The following RNF17 variants were observed in gnomAD, a reference collection of about 807,000 sequenced individuals.
The protein encoded by RNF17 is ring finger protein 17, also known as spermatogenesis associated 23.
RNF17 carries 31 observed loss-of-function variants against 200.5 expected under a neutral mutation model. That is an observed-to-expected ratio of 0.15 (90% confidence interval 0.12 to 0.21). The LOEUF is 0.21. RNF17 is among the 10% of genes least tolerant of loss of function. RNF17 has a pLI of 1.00. For missense variants in RNF17, 1,628 were observed against 1,905.1 expected, an observed-to-expected ratio of 0.85 and a Z score of 2.71; for synonymous variants, 606 against 637.8, an observed-to-expected ratio of 0.95 and a Z score of 0.75.
At chr13:24,753,435 C>T in the RNF17 span, among the ~76,000 whole-genome samples, 1 of 152,156 alleles carries the variant, frequency 6.6e-6, no homozygotes, top group African/African-American at 2.4e-5. Flanking sequence ...GCTCAAAGGG[C>T]AGGAGAGCCA....
At chr13:24,819,149 T>C (rs761098226) in intron 15 of RNF17, among the ~76,000 whole-genome samples, 4 of 152,180 alleles carry the variant, frequency 2.6e-5, no homozygotes, top group Non-Finnish European at 4.4e-5. Flanking sequence ...ATTTTCATCT[T>C]GCAAACTGAA....
the RNF17 span, among the ~76,000 whole-genome samples, chr13:24,749,652 C>G: frequency 6.6e-6 from 1 of 152,156 alleles, no homozygotes; most frequent in Non-Finnish European, 1.5e-5. Context: ...TCAGAGAAAA[C>G]TTCCATTATT....
At chr13:24,834,160 T>G (rs1889711735) in intron 18 of RNF17, among the ~76,000 whole-genome samples, 1 of 151,924 alleles carries the variant, frequency 6.6e-6, no homozygotes, top group South Asian at 2.1e-4. Context: ...AATCCCAGTA[T>G]TTTGGGAGGT....
chr13:24,761,771 T>C (rs1466248689), upstream of RNF17, among the ~76,000 whole-genome samples: 1 of 152,244 alleles, frequency 6.6e-6, no homozygotes, highest in Non-Finnish European at 1.5e-5. Context: ...TGGTAAGTGC[T>C]AAGAAATGAA....
chr13:24,862,752 C>G lies in RNF17; in HGVS notation c.3934C>G (p.Gln1312Glu), dbSNP rs1474807430. ...GCAACCAGATGCAATAGAAGTTCTT[C>G]AACAACTGCTTTCAAAGAGACAGGT... ...VWQPDAIEVL[Q>E]QLLSKRQVDI... Residue 1312 changes from glutamine (Q) to glutamate (E), a missense_variant, in exon 28 of 36, where the codon CAA becomes GAA. Transcript: ENST00000255324. 13 of 1,609,174 alleles carry G rather than the reference C, an allele frequency of 8.1e-6. No individual in the cohort carries two copies. The highest frequency in any genetic ancestry group is 1.1e-5 in the Non-Finnish European group (13 of 1,175,746).
At chr13:24,881,170 T>A (rs1953804705), downstream of RNF17, among the ~76,000 whole-genome samples, 1 of 151,994 alleles carries the variant, frequency 6.6e-6, no homozygotes, top group African/African-American at 2.4e-5. Flanking sequence ...TTTTTTTTCC[T>A]TTGAGACAGA....
chr13:24,873,694 C>A, intron 32 of RNF17, among the ~76,000 whole-genome samples: 1 of 151,944 alleles, frequency 6.6e-6, no homozygotes. Flanking sequence ...TCTCTTCATC[C>A]CCCCACCCCA....
At chr13:24,757,838 T>G in the RNF17 span, among the ~76,000 whole-genome samples, 1 of 152,226 alleles carries the variant, frequency 6.6e-6, no homozygotes, top group South Asian at 2.1e-4. Context: ...GTTTCACTTT[T>G]TATATGGTTT....
intron 4 of RNF17, among the ~76,000 whole-genome samples, chr13:24,779,328 T>C (rs1168796094): frequency 2.6e-5 from 4 of 152,186 alleles, no homozygotes; most frequent in African/African-American, 9.7e-5. Flanking sequence ...TTAAGAACTG[T>C]TTATAATTTT....
intron 26 of RNF17, among the ~76,000 whole-genome samples, chr13:24,860,881 C>CTTT (rs57385609): frequency 3.7e-4 from 53 of 144,300 alleles, no homozygotes; most frequent in South Asian, 6.6e-4. Context: ...TTTCAGATGT[C>CTTT]TTTTTTTTTT....
intron 15 of RNF17, among the ~76,000 whole-genome samples, chr13:24,814,819 T>G (rs909744310): frequency 6.6e-5 from 10 of 152,242 alleles, no homozygotes. Flanking sequence ...TCAAGATTGT[T>G]TTGGTTATTC....
intron 13 of RNF17, 141 bp downstream of exon 13, chr13:24,800,675 T>C (rs1566151050): frequency 1.5e-5 from 9 of 585,076 alleles, no homozygotes; most frequent in Admixed American, 3.5e-5. Context: ...TTAGTTCTAA[T>C]AGAAAAGGAA....
upstream of RNF17, among the ~76,000 whole-genome samples, chr13:24,763,526 A>C (rs899028658): frequency 2.0e-5 from 3 of 151,926 alleles, no homozygotes; most frequent in African/African-American, 7.3e-5. Flanking sequence ...CCAGAAGGCT[A>C]ATTCTTACTG....
chr13:24,836,285 A>T (rs1889992537), intron 18 of RNF17, among the ~76,000 whole-genome samples: 1 of 152,212 alleles, frequency 6.6e-6, no homozygotes, highest in Non-Finnish European at 1.5e-5. Flanking sequence ...TGGAAAATGT[A>T]TTTGGGGGAA....
intron 3 of RNF17, among the ~76,000 whole-genome samples, chr13:24,776,818 T>C (rs1311466305): frequency 3.3e-5 from 5 of 152,186 alleles, no homozygotes; most frequent in Admixed American, 3.3e-4. Flanking sequence ...AAACCCAATG[T>C]TGCCACATCT....
At chr13:24,883,233 C>T (rs758643085), downstream of RNF17, 26 of 1,613,934 alleles carry the variant, frequency 1.6e-5, no homozygotes, top group Admixed American at 6.7e-5. Context: ...CTTATCCGAC[C>T]GGATCTGTAC....
rs1192388260 is a variant in RNF17 at position 24,764,273 on chromosome 13, C to G, written c.70C>G (p.Pro24Ala). Residue 24 changes from proline (P) to alanine (A), a missense_variant, in exon 1 of 36, where the codon CCC becomes GCC. This residue lies in a region of RNF17 where 502 missense variants were observed against 501.7 expected (regional missense o/e 1.00). Coordinates refer to ENST00000255324, the MANE Select transcript of RNF17 (RefSeq NM_031277.3). ...SYQRMGRKSQ[P>A]WGAAEIQCTR... ...CCAGCGAATGGGGAGGAAGAGTCAG[C>G]CCTGGGGTGCCGCTGAAATCCAGTG... The G allele has an allele frequency of 6.2e-7, 1 of 1,611,342 alleles. No homozygotes were observed. Among genetic ancestry groups the G allele is most frequent in the African/African-American group, 1.3e-5 (1 of 74,918 alleles).
chr13:24,883,393 A>G (rs1455858646), downstream of RNF17: 2 of 1,515,834 alleles, frequency 1.3e-6, no homozygotes, highest in Non-Finnish European at 1.8e-6. Context: ...AAAAAATATG[A>G]TTTCTTAAAA....
intron 25 of RNF17, among the ~76,000 whole-genome samples, chr13:24,855,498 C>T (rs577846354): frequency 9.9e-5 from 15 of 151,974 alleles, no homozygotes; most frequent in African/African-American, 2.4e-4. Flanking sequence ...CATGGTGGCA[C>T]GAACCTGTAA....
Sources: gnomAD v4.1 joint callset for allele counts (sites outside exome capture counted in the v4.1 genomes callset) on GRCh38, gnomAD v4.1.1 for gene constraint, gnomAD v4.1.1 regional missense constraint, MANE v1.5 for transcripts, NCBI Gene and HGNC (gene_info 2026-07-23, HGNC 2026-07-21) for gene names.